Variants in SMOC2 observed in about 807,000 individuals in gnomAD.
SMOC2 encodes SPARC related modular calcium binding 2, also known as SPARC-related modular calcium-binding protein 2.
In SMOC2, 39 loss-of-function variants were observed where a neutral mutation model predicts 61.4. The ratio of observed to expected loss-of-function variants is 0.64; its 90% CI spans 0.49 to 0.83. The LOEUF (loss-of-function observed/expected upper bound fraction) is 0.83, where lower values mean the gene tolerates loss of function less well. SMOC2 is among the 40% of genes least tolerant of loss of function. SMOC2 has a pLI of 0.00. For missense variants in SMOC2, 556 were observed against 592.9 expected (o/e 0.94, Z 0.65); for synonymous variants, 247 against 239.9 (o/e 1.03, Z -0.27).
chr6:168,647,801 A>T (rs867427995), intron 9 of SMOC2, among the ~76,000 whole-genome samples: 3 of 152,120 alleles, frequency 2.0e-5, no homozygotes, highest in Admixed American at 6.5e-5. Context: ...CTTCAGAAGT[A>T]GTTTTGAAGT....
At chr6:168,518,311 C>A (rs2763243) in intron 2 of SMOC2, among the ~76,000 whole-genome samples, 86,562 of 151,904 alleles carry the variant, frequency 0.57, 27,902 homozygotes, top group Non-Finnish European at 0.72. Flanking sequence ...TGTGAGAGGG[C>A]GTTTCTGTTG....
chr6:168,441,307 C>T lies in SMOC2; in HGVS notation c.-64C>T. 1 of 1,471,902 alleles carries T rather than the reference C, an allele frequency of 6.8e-7. No individual in the cohort carries two copies. The highest frequency in any genetic ancestry group is 1.3e-5 in the South Asian group (1 of 76,352). 91.2% of individuals were successfully genotyped at this position (1,471,902 alleles called of 1,614,324 possible). A position where few individuals can be genotyped will look rare whatever the true frequency, so the allele number is the denominator to read the frequency against. On this transcript the variant is annotated 5_prime_UTR_variant, in exon 1 of 13. Coordinates refer to ENST00000356284, the MANE Select transcript of SMOC2 (RefSeq NM_001166412.2). Reference sequence around the variant, plus strand: ...CCCAGCCGCGCTCGCCCACTGGGCTCTCCCGGCTGCAGTGCCAGGGCGCAG... The same window carrying T: ...CCCAGCCGCGCTCGCCCACTGGGCTTTCCCGGCTGCAGTGCCAGGGCGCAG...
At chr6:168,489,388 T>C (rs1782416919) in intron 1 of SMOC2, among the ~76,000 whole-genome samples, 1 of 151,900 alleles carries the variant, frequency 6.6e-6, no homozygotes, top group African/African-American at 2.4e-5. Flanking sequence ...GATCACACTG[T>C]TTTAGAGTGA....
At chr6:168,587,395 G>A (rs1308854648) in intron 7 of SMOC2, among the ~76,000 whole-genome samples, 3 of 152,212 alleles carry the variant, frequency 2.0e-5, no homozygotes, top group Non-Finnish European at 4.4e-5. Flanking sequence ...AGGTCCTAAC[G>A]ACGCGTGCCC....
intron 1 of SMOC2, among the ~76,000 whole-genome samples, chr6:168,447,196 A>G (rs1781350184): frequency 6.6e-6 from 1 of 151,660 alleles, no homozygotes; most frequent in Non-Finnish European, 1.5e-5. Flanking sequence ...CCTCCTGAGG[A>G]GCTGGGACTA....
intron 7 of SMOC2, among the ~76,000 whole-genome samples, chr6:168,582,589 C>CCT (rs1382604872): frequency 1.3e-5 from 2 of 152,228 alleles, no homozygotes; most frequent in East Asian, 3.9e-4. Flanking sequence ...CCAGTTGTTG[C>CCT]CGATTTTGAA....
At chr6:168,517,927 C>T (rs546621417) in intron 2 of SMOC2, among the ~76,000 whole-genome samples, 4 of 152,326 alleles carry the variant, frequency 2.6e-5, no homozygotes, top group South Asian at 2.1e-4. Context: ...CGCCGGAGCG[C>T]GAGCCTGGGC....
chr6:168,637,718 C>G (rs926202479), intron 9 of SMOC2, among the ~76,000 whole-genome samples: 3 of 152,288 alleles, frequency 2.0e-5, no homozygotes, highest in Admixed American at 1.3e-4. Flanking sequence ...ACATTTACCT[C>G]CATTTAAAAA....
intron 9 of SMOC2, among the ~76,000 whole-genome samples, chr6:168,622,466 C>T (rs911026242): frequency 1.3e-5 from 2 of 150,602 alleles, no homozygotes; most frequent in African/African-American, 4.9e-5. Context: ...CCTGGCAAGT[C>T]TCCCCTTTGT....
intron 9 of SMOC2, among the ~76,000 whole-genome samples, chr6:168,636,641 G>A (rs575283862): frequency 3.9e-5 from 6 of 152,226 alleles, no homozygotes; most frequent in Admixed American, 1.3e-4. Flanking sequence ...AAGTGATAGC[G>A]GTCAAAGCTG....
At chr6:168,476,693 C>T (rs537443207) in intron 1 of SMOC2, among the ~76,000 whole-genome samples, 12 of 151,874 alleles carry the variant, frequency 7.9e-5, no homozygotes, top group South Asian at 2.1e-4. Context: ...CTCTTACTGT[C>T]GACATTTAAT....
chr6:168,634,889 A>G (rs912089406), intron 9 of SMOC2, among the ~76,000 whole-genome samples: 4 of 152,154 alleles, frequency 2.6e-5, no homozygotes, highest in Non-Finnish European at 5.9e-5. Flanking sequence ...TTTCAACATG[A>G]CTTTATTGTG....
chr6:168,459,219 C>T (rs561172556), intron 1 of SMOC2, among the ~76,000 whole-genome samples: 1 of 152,308 alleles, frequency 6.6e-6, no homozygotes, highest in East Asian at 1.9e-4. Context: ...GTCATCAGTG[C>T]AAGTTCTGTC....
intron 1 of SMOC2, among the ~76,000 whole-genome samples, chr6:168,494,172 A>G (rs558972339): frequency 4.6e-5 from 7 of 152,188 alleles, no homozygotes; most frequent in Non-Finnish European, 1.0e-4. Flanking sequence ...TTTTCCTTCT[A>G]CACGCTCTGA....
chr6:168,532,437 C>T lies in SMOC2; in HGVS notation c.463+4710C>T, dbSNP rs541853090. On this transcript the variant is annotated intron_variant, in intron 4 of 12. Coordinates refer to ENST00000356284, the MANE Select transcript of SMOC2 (RefSeq NM_001166412.2). Reference sequence around the variant, plus strand: ...CTTTTCTTCCTCACCACCCTCCCCCCCTCCCCCACAAAGATTTGAAGCCTA... The same window carrying T: ...CTTTTCTTCCTCACCACCCTCCCCCTCTCCCCCACAAAGATTTGAAGCCTA... 2.0e-4 allele frequency among the ~76,000 whole-genome samples: 30 copies of T among 151,596 alleles called. 1 individual carries two copies. In the South Asian group the frequency reaches 5.6e-3, roughly 28 times the overall value.
At chr6:168,447,792 T>C (rs1355547226) in intron 1 of SMOC2, among the ~76,000 whole-genome samples, 1 of 151,364 alleles carries the variant, frequency 6.6e-6, no homozygotes, top group East Asian at 1.9e-4. Flanking sequence ...TGCTGGATTT[T>C]AGTCACTTCT....
intron 7 of SMOC2, among the ~76,000 whole-genome samples, chr6:168,581,078 A>C (rs1784907148): frequency 6.6e-6 from 1 of 152,178 alleles, no homozygotes. Flanking sequence ...TACCAAAAGT[A>C]AACATATGAA....
chr6:168,467,466 C>G (rs181492896), intron 1 of SMOC2, among the ~76,000 whole-genome samples: 4 of 152,050 alleles, frequency 2.6e-5, no homozygotes, highest in African/African-American at 9.7e-5. Flanking sequence ...ACCACCACAC[C>G]CGGCTAATTT....
intron 7 of SMOC2, among the ~76,000 whole-genome samples, chr6:168,556,078 C>T (rs1047355664): frequency 6.6e-6 from 1 of 152,166 alleles, no homozygotes; most frequent in Non-Finnish European, 1.5e-5. Flanking sequence ...GCGTCGTCTT[C>T]ACTGTTGAGG....
Sources: gnomAD v4.1 joint callset for allele counts (sites outside exome capture counted in the v4.1 genomes callset) on GRCh38, gnomAD v4.1.1 for gene constraint, MANE v1.5 for transcripts, NCBI Gene and HGNC (gene_info 2026-07-23, HGNC 2026-07-21) for gene names.